Variants in PTPRM observed in about 807,000 individuals in gnomAD.
PTPRM encodes the protein receptor-type tyrosine-protein phosphatase mu.
A neutral mutation model predicts 186.7 loss-of-function variants in PTPRM; 47 were observed. The ratio of observed to expected loss-of-function variants is 0.25; its 90% CI spans 0.20 to 0.32. PTPRM has a LOEUF of 0.32. Ranked by LOEUF, PTPRM falls within the 10% of genes least tolerant of loss-of-function variation. PTPRM has a pLI of 1.00. For synonymous variants in PTPRM, 668 were observed against 674.9 expected (o/e 0.99, Z 0.16); for missense variants, 1,494 against 1,865.0 (o/e 0.80, Z 3.66).
At chr18:8,021,481 G>A (rs766421392) in intron 7 of PTPRM, among the ~76,000 whole-genome samples, 7 of 136,940 alleles carry the variant, frequency 5.1e-5, no homozygotes, top group South Asian at 5.0e-4. Flanking sequence ...TTTAAGCCCC[G>A]CGTGCATTAG....
intron 9 of PTPRM, 106 bp from the exon 10 acceptor site, chr18:8,085,565 A>T (rs2090389269): frequency 4.1e-6 from 4 of 969,014 alleles, no homozygotes; most frequent in South Asian, 1.5e-5. Flanking sequence ...GTAGGAGCTT[A>T]TCATAAAGTG....
intron 5 of PTPRM, among the ~76,000 whole-genome samples, chr18:7,945,382 G>C (rs1252063514): frequency 6.6e-6 from 1 of 151,700 alleles, no homozygotes; most frequent in Non-Finnish European, 1.5e-5. Context: ...GGAGAATGGC[G>C]TGAACCCGGG....
chr18:7,711,844 T>G (rs932742127), intron 1 of PTPRM, among the ~76,000 whole-genome samples: 1 of 152,040 alleles, frequency 6.6e-6, no homozygotes, highest in African/African-American at 2.4e-5. Flanking sequence ...CAGGGTCTTA[T>G]AGGTAAAACC....
At chr18:7,804,454 G>A (rs1012108147) in intron 2 of PTPRM, among the ~76,000 whole-genome samples, 8 of 152,138 alleles carry the variant, frequency 5.3e-5, no homozygotes, top group African/African-American at 1.9e-4. Context: ...TTGAGAGCCG[G>A]GCTCTGAGCT....
At chr18:8,051,003 A>G (rs372937841) in intron 7 of PTPRM, among the ~76,000 whole-genome samples, 1 of 152,308 alleles carries the variant, frequency 6.6e-6, no homozygotes, top group African/African-American at 2.4e-5. Flanking sequence ...TTTAGGAACC[A>G]AGGTCTAGTT....
intron 2 of PTPRM, among the ~76,000 whole-genome samples, chr18:7,852,454 G>A (rs181753294): frequency 2.6e-5 from 4 of 152,136 alleles, no homozygotes; most frequent in South Asian, 2.1e-4. Flanking sequence ...TTGGGAGGCC[G>A]AGACTGGCAG....
At chr18:8,206,217 G>A (rs2093926155) in intron 14 of PTPRM, among the ~76,000 whole-genome samples, 1 of 151,400 alleles carries the variant, frequency 6.6e-6, no homozygotes, top group Non-Finnish European at 1.5e-5. Context: ...AGAGAAGACT[G>A]GAGGCACAAA....
At chr18:7,605,117 T>C (rs908070275) in intron 1 of PTPRM, among the ~76,000 whole-genome samples, 2 of 152,186 alleles carry the variant, frequency 1.3e-5, no homozygotes, top group African/African-American at 4.8e-5. Context: ...CTGGGCCGTG[T>C]TGGAAGAAGA....
chr18:8,102,051 T>C (rs2091314937), intron 11 of PTPRM, among the ~76,000 whole-genome samples: 1 of 152,226 alleles, frequency 6.6e-6, no homozygotes, highest in South Asian at 2.1e-4. Flanking sequence ...AAGTTATGTT[T>C]ATATTATACT....
intron 3 of PTPRM, 139 bp downstream of exon 3, chr18:7,888,516 T>G (rs1202284864): frequency 1.0e-6 from 1 of 989,696 alleles, no homozygotes; most frequent in Admixed American, 3.1e-5. Context: ...ACTCTCATCC[T>G]ATACTGTTGG....
intron 2 of PTPRM, among the ~76,000 whole-genome samples, chr18:7,804,940 C>A (rs2044159343): frequency 6.6e-6 from 1 of 152,184 alleles, no homozygotes; most frequent in South Asian, 2.1e-4. Context: ...GCATTTCTGT[C>A]ATTTGTGCCT....
chr18:7,977,248 C>T (rs999128249), intron 7 of PTPRM, among the ~76,000 whole-genome samples: 6 of 152,064 alleles, frequency 3.9e-5, no homozygotes, highest in African/African-American at 1.2e-4. Context: ...TGCCACCACG[C>T]CCAGCTAATT....
chr18:7,640,302 C>A (rs185112916), intron 1 of PTPRM, among the ~76,000 whole-genome samples: 3 of 152,066 alleles, frequency 2.0e-5, no homozygotes, highest in Admixed American at 6.5e-5. Flanking sequence ...TATGTCATTC[C>A]AAATTATCTG....
chr18:7,828,235 CTT>C (rs1204307953), intron 2 of PTPRM, among the ~76,000 whole-genome samples: 1 of 149,122 alleles, frequency 6.7e-6, no homozygotes, highest in African/African-American at 2.5e-5. Context: ...TTTTTTTTTT[CTT>C]TTTTTATTTT....
intron 4 of PTPRM, among the ~76,000 whole-genome samples, chr18:7,914,227 T>C: frequency 2.6e-5 from 4 of 152,266 alleles, no homozygotes; most frequent in Middle Eastern, 3.4e-3. Flanking sequence ...TTTAAACATG[T>C]GGGAACACAA....
chr18:8,199,800 G>A (rs1568507614), intron 14 of PTPRM, among the ~76,000 whole-genome samples: 1 of 152,122 alleles, frequency 6.6e-6, no homozygotes, highest in Non-Finnish European at 1.5e-5. Context: ...AGTCCAAAGA[G>A]TGCGTTTTGT....
chr18:7,911,269 C>T (rs1215660305), intron 4 of PTPRM, among the ~76,000 whole-genome samples: 6 of 152,224 alleles, frequency 3.9e-5, no homozygotes, highest in African/African-American at 1.4e-4. Context: ...ATCATGCTCT[C>T]AGACATATAC....
At chr18:8,259,970 C>G (rs544369527) in intron 19 of PTPRM, among the ~76,000 whole-genome samples, 9 of 152,252 alleles carry the variant, frequency 5.9e-5, no homozygotes, top group Non-Finnish European at 1.3e-4. Context: ...TACTTGCCTC[C>G]TACCTCAGTG....
chr18:8,039,244 T>C (rs2086540272), intron 7 of PTPRM, among the ~76,000 whole-genome samples: 1 of 152,134 alleles, frequency 6.6e-6, no homozygotes, highest in Non-Finnish European at 1.5e-5. Context: ...CATAAAAAGT[T>C]GTAGGAACCT....
Sources: gnomAD v4.1 joint callset for allele counts (sites outside exome capture counted in the v4.1 genomes callset) on GRCh38, gnomAD v4.1.1 for gene constraint, MANE v1.5 for transcripts, NCBI Gene and HGNC (gene_info 2026-07-23, HGNC 2026-07-21) for gene names.